The following ZNF438 variants were observed in gnomAD, a reference collection of about 807,000 sequenced individuals.
The protein encoded by ZNF438 is zinc finger protein 438.
In ZNF438, 25 loss-of-function variants were observed where a neutral mutation model predicts 38.0. That is an observed-to-expected ratio of 0.66 (90% CI 0.48 to 0.92). The LOEUF (loss-of-function observed/expected upper bound fraction) is 0.92. ZNF438 is among the 40% of genes least tolerant of loss of function. ZNF438 has a pLI of 0.00. For missense variants in ZNF438, 1,007 were observed against 999.6 expected (o/e 1.01, Z -0.10); for synonymous variants, 372 against 364.1 (o/e 1.02, Z -0.25).
At chr10:31,013,016 CTG>C (rs907082187) in intron 1 of ZNF438, among the ~76,000 whole-genome samples, 1 of 152,052 alleles carries the variant, frequency 6.6e-6, no homozygotes, top group Non-Finnish European at 1.5e-5. Flanking sequence ...CTAGAGATCA[CTG>C]TTATAAAAAT....
At chr10:30,855,330 G>A (rs2132960417) in intron 4 of ZNF438, among the ~76,000 whole-genome samples, 1 of 152,280 alleles carries the variant, frequency 6.6e-6, no homozygotes, top group South Asian at 2.1e-4. Context: ...TGCTCCTCAA[G>A]GTCCCTGCGA....
chr10:30,932,860 G>A lies in ZNF438; in HGVS notation c.-115+8715C>T, dbSNP rs372893333. Among the ~76,000 whole-genome samples the A allele has an allele frequency of 1.8e-4, 27 of 152,278 alleles. 1 individual carries two copies. In the East Asian group the frequency reaches 3.9e-3, roughly 22 times the overall value. ...GAGGAGGAAAATTTGGATGTAGACA[G>A]ACACAGAGGGAAGACACTCATAAGA... On this transcript the variant is annotated intron_variant, in intron 2 of 5. Transcript: ENST00000413025.
intron 1 of ZNF438, among the ~76,000 whole-genome samples, chr10:30,985,106 C>G (rs1051493194): frequency 1.3e-5 from 2 of 152,102 alleles, no homozygotes; most frequent in Non-Finnish European, 2.9e-5. Context: ...TAGCAGTAAC[C>G]CATTTCTAAA....
intron 3 of ZNF438, among the ~76,000 whole-genome samples, chr10:30,902,345 A>C (rs2042107968): frequency 6.8e-6 from 1 of 146,750 alleles, no homozygotes; most frequent in African/African-American, 2.6e-5. Context: ...CTAGATACAG[A>C]GTGTCGATTG....
rs923244374 is a variant in ZNF438 at position 30,880,267 on chromosome 10, C to T, written c.-31-3202G>A. Among the ~76,000 whole-genome samples, 10 of 151,878 alleles carry T rather than the reference C, an allele frequency of 6.6e-5. No individual in the cohort carries two copies. In the East Asian group the frequency reaches 1.4e-3, roughly 21 times the overall value. On this transcript the variant is annotated intron_variant, in intron 3 of 5. Coordinates refer to ENST00000413025, the Ensembl canonical transcript of ZNF438. ...CCAACATGGAGAAACCCTGTCTCTA[C>T]TAAAAATACAAAAATTAGCTGGGCA...
intron 1 of ZNF438, among the ~76,000 whole-genome samples, chr10:30,974,534 A>G (rs1266602894): frequency 1.3e-5 from 2 of 152,222 alleles, no homozygotes; most frequent in African/African-American, 4.8e-5. Flanking sequence ...CTCTAGTACC[A>G]GATTATTTCC....
intron 3 of ZNF438, among the ~76,000 whole-genome samples, chr10:30,907,382 C>A (rs2042684625): frequency 6.6e-6 from 1 of 152,162 alleles, no homozygotes. Context: ...CTCACAGAAT[C>A]AGTCAGGAAG....
At chr10:30,917,294 T>C (rs1449203059) in intron 2 of ZNF438, among the ~76,000 whole-genome samples, 2 of 152,108 alleles carry the variant, frequency 1.3e-5, no homozygotes, top group African/African-American at 2.4e-5. Flanking sequence ...TGAAGCTATA[T>C]TATGCACATA....
chr10:30,890,097 A>AAAG (rs2040497553), intron 3 of ZNF438, among the ~76,000 whole-genome samples: 1 of 146,544 alleles, frequency 6.8e-6, no homozygotes, highest in Non-Finnish European at 1.5e-5. Context: ...AAAAAAAAAA[A>AAAG]AAAAAAGAAA....
At chr10:30,993,625 C>T (rs2053738121) in intron 1 of ZNF438, among the ~76,000 whole-genome samples, 1 of 152,240 alleles carries the variant, frequency 6.6e-6, no homozygotes, top group South Asian at 2.1e-4. Flanking sequence ...CTGAGAGCCC[C>T]TCGTAGGGCA....
chr10:30,986,235 A>G (rs980191522), intron 1 of ZNF438, among the ~76,000 whole-genome samples: 8 of 152,204 alleles, frequency 5.3e-5, no homozygotes, highest in Non-Finnish European at 1.2e-4. Flanking sequence ...AGTCACTAAC[A>G]CTGAACTCAT....
chr10:30,938,394 G>A (rs2046475356), intron 2 of ZNF438, among the ~76,000 whole-genome samples: 2 of 151,780 alleles, frequency 1.3e-5, no homozygotes. Flanking sequence ...TCCTGTCTCA[G>A]CCTCCCAAGT....
In ZNF438 at chr10:31,023,031, C is replaced by T. The variant is rs114781237; in HGVS notation, c.-192+8802G>A. On this transcript the variant is annotated intron_variant, in intron 1 of 5. Coordinates refer to ENST00000413025, the Ensembl canonical transcript of ZNF438. ...TGATTTAAAATTCACGGTCCAAAAC[C>T]GCAATTACTTTTGCACCAACCTAAT... Among the ~76,000 whole-genome samples the T allele has an allele frequency of 1.0e-2, 1,522 of 152,248 alleles. 21 individuals carry two copies. The highest frequency in any genetic ancestry group is 0.034 in the African/African-American group (1,414 of 41,526).
intron 1 of ZNF438, among the ~76,000 whole-genome samples, chr10:30,948,989 G>A (rs1057281163): frequency 6.6e-6 from 1 of 152,148 alleles, no homozygotes; most frequent in African/African-American, 2.4e-5. Context: ...AATGTTAACG[G>A]CAGCCAGAGA....
At chr10:30,914,873 T>C (rs2043439212) in intron 2 of ZNF438, among the ~76,000 whole-genome samples, 2 of 151,946 alleles carry the variant, frequency 1.3e-5, no homozygotes, top group Non-Finnish European at 2.9e-5. Flanking sequence ...TACTTGAAAG[T>C]TTGAAATCAT....
intron 3 of ZNF438, among the ~76,000 whole-genome samples, chr10:30,884,352 C>T (rs969707981): frequency 4.0e-5 from 6 of 151,886 alleles, no homozygotes; most frequent in Non-Finnish European, 8.8e-5. Flanking sequence ...CTGATTTGAT[C>T]CTCTGATTTG....
intron 2 of ZNF438, among the ~76,000 whole-genome samples, chr10:30,917,043 C>T (rs1165913341): frequency 6.6e-6 from 1 of 151,688 alleles, no homozygotes; most frequent in Non-Finnish European, 1.5e-5. Context: ...GTGTACCATT[C>T]CATAAGTTTT....
At chr10:30,935,096 T>G (rs1283700320) in intron 2 of ZNF438, among the ~76,000 whole-genome samples, 1 of 152,228 alleles carries the variant, frequency 6.6e-6, no homozygotes, top group East Asian at 1.9e-4. Flanking sequence ...ATGAAATCAT[T>G]TGGAAACTCC....
chr10:31,019,068 G>T (rs891981351), intron 1 of ZNF438, among the ~76,000 whole-genome samples: 32 of 152,336 alleles, frequency 2.1e-4, no homozygotes, highest in African/African-American at 6.5e-4. Context: ...GGTAGTAGAA[G>T]AAAGGAGGAA....
Sources: gnomAD v4.1 joint callset for allele counts (sites outside exome capture counted in the v4.1 genomes callset) on GRCh38, gnomAD v4.1.1 for gene constraint, MANE v1.5 for transcripts, NCBI Gene and HGNC (gene_info 2026-07-23, HGNC 2026-07-21) for gene names.